TLR3: variants seen among roughly 807,000 people sequenced by gnomAD.
The protein encoded by TLR3 is toll-like receptor 3.
In TLR3, 43 loss-of-function variants were observed where a neutral mutation model predicts 66.4. The observed-to-expected ratio is 0.65, with a 90% CI of 0.51 to 0.83. The LOEUF (loss-of-function observed/expected upper bound fraction) is 0.83, where lower values mean the gene tolerates loss of function less well. Ranked by LOEUF, TLR3 falls within the 40% of genes least tolerant of loss-of-function variation. The pLI, the probability that TLR3 is intolerant of heterozygous loss-of-function variation, is 0.00. For synonymous variants in TLR3, 397 were observed against 397.2 expected (o/e 1.00, Z 0.01); for missense variants, 982 against 1,044.6 (o/e 0.94, Z 0.83).
chr4:186,073,921 A>T (rs1322381232), intron 1 of TLR3, among the ~76,000 whole-genome samples: 1 of 152,248 alleles, frequency 6.6e-6, no homozygotes, highest in African/African-American at 2.4e-5. Context: ...ATATTTGAAC[A>T]TATAAGGGAA....
At position 186,083,931 on chromosome 4, in the gene TLR3, A is replaced by G. The variant is rs2099303952; in HGVS notation, c.2245A>G (p.Arg749Gly). The part of the protein sequence containing the change: ...HRVLGFKEID[R>G]QTEQFEYAAY... ...AGTTCTTGGTTTCAAAGAAATAGAC[A>G]GACAGACAGAACAGTTTGAATATGC... The change falls in exon 4 of 5, where the codon AGA becomes GGA. Residue 749 changes from arginine to glycine, a missense_variant. Arg to Gly is a moderately radical substitution (Grantham distance 125, BLOSUM62 -2). Transcript: ENST00000296795. This position sits in a 1 kb window ranked among gnomAD's most constrained non-coding sequence, Gnocchi z 4.0. 3 of 1,614,096 alleles carry G rather than the reference A, an allele frequency of 1.9e-6. No individual in the cohort carries two copies. The African/African-American group carries it at 4.0e-5, about 22-fold the overall frequency.
intron 2 of TLR3, among the ~76,000 whole-genome samples, chr4:186,078,259 G>T (rs2099302781): frequency 6.6e-6 from 1 of 152,178 alleles, no homozygotes; most frequent in South Asian, 2.1e-4. Context: ...ATAGCAAAGG[G>T]TGATAAAAAC....
Position 186,083,644 on chromosome 4 carries a change from G to A in TLR3, c.1958G>A (p.Ser653Asn). The change falls in exon 4 of 5, where the codon AGT (serine) becomes AAT (asparagine). Residue 653 changes from serine (S) to asparagine (N), a missense_variant. Physicochemically the swap from Ser to Asn is conservative, Grantham distance 46. This residue lies in a region of TLR3 where 666 missense variants were observed against 709.0 expected (regional missense o/e 0.94). Transcript: ENST00000296795. This position sits in a 1 kb window ranked among gnomAD's most constrained non-coding sequence, Gnocchi z 4.0. ...AATCCCTTTGATTGCACGTGTGAAA[G>A]TATTGCCTGGTTTGTTAATTGGATT... The part of the protein sequence containing the change: ...RFNPFDCTCE[S>N]IAWFVNWINE... 6.3e-7 allele frequency: 1 copy of A among 1,598,138 alleles called. No homozygotes were observed.
At position 186,083,743 on chromosome 4, in the gene TLR3, T is replaced by C; in HGVS notation, c.2057T>C (p.Phe686Ser). 1 of 1,613,610 alleles carries C rather than the reference T, an allele frequency of 6.2e-7. No homozygotes were observed. Among genetic ancestry groups the C allele is most frequent in the Non-Finnish European group, 8.5e-7 (1 of 1,179,828 alleles). Residue 686 changes from phenylalanine to serine, a missense_variant, in exon 4 of 5, where the codon TTC becomes TCC. Coordinates refer to ENST00000296795, the MANE Select transcript of TLR3 (RefSeq NM_003265.3). The surrounding 1 kb of genome is among the most constrained non-coding windows in gnomAD (Gnocchi z 4.0). ...LCNTPPHYHGFPVRLFDTSSC... is the reference protein window; with the variant it reads ...LCNTPPHYHGSPVRLFDTSSC... The stretch of plus-strand genomic sequence containing the variant: ...AACACTCCACCTCACTATCATGGGT[T>C]CCCAGTGAGACTTTTTGATACATCA...
intron 1 of TLR3, among the ~76,000 whole-genome samples, chr4:186,076,245 A>C (rs2099302433): frequency 6.6e-6 from 1 of 152,254 alleles, no homozygotes; most frequent in Non-Finnish European, 1.5e-5. Context: ...ATATAATTAA[A>C]TTCCTTATCT....
chr4:186,069,790 T>A (rs2099301125), intron 1 of TLR3, among the ~76,000 whole-genome samples: 2 of 152,020 alleles, frequency 1.3e-5, no homozygotes, highest in African/African-American at 2.4e-5. Flanking sequence ...AGTGGAGAAG[T>A]GGAAAGTTGT....
At chr4:186,080,969 A>G (rs78533215) in intron 3 of TLR3, among the ~76,000 whole-genome samples, 5,117 of 152,288 alleles carry the variant, frequency 0.034, 173 homozygotes, top group Middle Eastern at 0.12. Flanking sequence ...GTATAGAAGA[A>G]AGGGTGCTTT....
chr4:186,076,595 A>G lies in TLR3; in HGVS notation c.-7-18A>G. ...GCTATTAATGTTGCTCATACTTTTT[A>G]ATGTTTCTTTTCTACAGCAGAATCA... On this transcript the variant is annotated intron_variant, in intron 1 of 4. Coordinates refer to ENST00000296795, the MANE Select transcript of TLR3 (RefSeq NM_003265.3). 6.2e-7 allele frequency: 1 copy of G among 1,611,416 alleles called. No individual in the cohort carries two copies. Among genetic ancestry groups the G allele is most frequent in the Non-Finnish European group, 8.5e-7 (1 of 1,177,624 alleles).
chr4:186,077,159 G>T (rs2099302581), intron 2 of TLR3, 99 bp downstream of exon 2: 1 of 1,291,816 alleles, frequency 7.7e-7, no homozygotes, highest in South Asian at 1.4e-5. Flanking sequence ...GAAGAAATTT[G>T]ATCTAATCCA....
In TLR3 at chr4:186,082,328, AG is replaced by A; in HGVS notation, c.645del (p.Cys216ValfsTer13). On this transcript the variant is annotated frameshift_variant, in exon 4 of 5. Coordinates refer to ENST00000296795, the MANE Select transcript of TLR3 (RefSeq NM_003265.3). LOFTEE classifies it high-confidence loss of function. ...TTTTTTCCTACCTTTAGTTTTCTCC[AG>A]GGTGTTTTCACGCAATTGGAAGATT... ...SSNQIKEFSP[G>X]CFHAIGRLFG... 1 of 1,562,064 alleles carries A rather than the reference AG, an allele frequency of 6.4e-7. No homozygotes were observed. Among genetic ancestry groups the A allele is most frequent in the Non-Finnish European group, 8.7e-7 (1 of 1,149,690 alleles).
intron 1 of TLR3, among the ~76,000 whole-genome samples, chr4:186,071,820 C>T (rs1398180993): frequency 6.6e-6 from 1 of 152,132 alleles, no homozygotes; most frequent in Non-Finnish European, 1.5e-5. Flanking sequence ...GATTTTATTA[C>T]CTGACACTTA....
intron 2 of TLR3, among the ~76,000 whole-genome samples, chr4:186,078,508 G>C (rs1316746522): frequency 2.6e-5 from 4 of 152,036 alleles, no homozygotes; most frequent in Admixed American, 2.0e-4. Flanking sequence ...ATAAGTAAAA[G>C]GTTATGATAA....
chr4:186,076,862 T>C lies in TLR3; in HGVS notation c.243T>C (p.Asp81=), dbSNP rs753810019. The change falls in exon 2 of 5, where the codon GAT becomes GAC. Residue 81 remains aspartate, a synonymous_variant. Transcript: ENST00000296795. ...FTRYSQLTSL[D]VGFNTISKLE... The stretch of plus-strand genomic sequence containing the variant: ...GGTATAGCCAGCTAACTAGCTTGGA[T>C]GTAGGATTTAACACCATCTCAAAAC... The C allele has an allele frequency of 4.8e-5, 78 of 1,614,052 alleles. No homozygotes were observed. The Middle Eastern group carries it at 1.3e-3, about 27-fold the overall frequency.
intron 3 of TLR3, among the ~76,000 whole-genome samples, chr4:186,080,533 A>G (rs2099303243): frequency 6.6e-6 from 1 of 151,912 alleles, no homozygotes; most frequent in Admixed American, 6.6e-5. Flanking sequence ...GTGCTGTGAT[A>G]AATTTTTAAA....
At position 186,083,786 on chromosome 4, in the gene TLR3, C is replaced by G. The variant is rs1413370034; in HGVS notation, c.2100C>G (p.Ala700=). 1 of 1,613,960 alleles carries G rather than the reference C, an allele frequency of 6.2e-7. No homozygotes were observed. The highest frequency in any genetic ancestry group is 1.3e-5 in the African/African-American group (1 of 75,022). ...LFDTSSCKDS[A]PFELFFMINT... ...ATACATCATCTTGCAAAGACAGTGC[C>G]CCCTTTGAACTCTTTTTCATGATCA... The change falls in exon 4 of 5, where the codon GCC becomes GCG. Residue 700 remains alanine (A), a synonymous_variant. Transcript: ENST00000296795. This position sits in a 1 kb window ranked among gnomAD's most constrained non-coding sequence, Gnocchi z 4.0.
chr4:186,075,477 T>TA (rs1446283118), intron 1 of TLR3, among the ~76,000 whole-genome samples: 1 of 151,752 alleles, frequency 6.6e-6, no homozygotes, highest in Non-Finnish European at 1.5e-5. Flanking sequence ...TAAAAAATAA[T>TA]AAAAAATTAG....
chr4:186,069,486 T>C (rs1195750750), intron 1 of TLR3, among the ~76,000 whole-genome samples: 7 of 152,336 alleles, frequency 4.6e-5, no homozygotes, highest in African/African-American at 1.4e-4. Context: ...AATGTGATAA[T>C]GTATTTATGC....
rs746197952 is a variant in TLR3, at chr4:186,084,930, T to C, written c.*57T>C. 6.9e-7 allele frequency: 1 copy of C among 1,443,996 alleles called. No homozygotes were observed. The highest frequency in any genetic ancestry group is 9.6e-7 in the Non-Finnish European group (1 of 1,042,996). 89.4% of individuals were successfully genotyped at this position (1,443,996 alleles called of 1,614,324 possible). On this transcript the variant is annotated 3_prime_UTR_variant, in exon 5 of 5. Coordinates refer to ENST00000296795, the MANE Select transcript of TLR3 (RefSeq NM_003265.3). ...AACTTTCTCAATTTAAAAAGTTCTA[T>C]GGCAAATTTAAGTTTTCCATAAAGG...
At chr4:186,078,629 C>A (rs1175053146) in intron 2 of TLR3, among the ~76,000 whole-genome samples, 1 of 152,078 alleles carries the variant, frequency 6.6e-6, no homozygotes, top group African/African-American at 2.4e-5. Context: ...ATCCTTCCTA[C>A]AATGGTTGCA....
Sources: allele counts gnomAD v4.1 joint callset (sites outside exome capture counted in the v4.1 genomes callset), GRCh38; gene constraint gnomAD v4.1.1; regional missense constraint gnomAD v4.1.1; non-coding constraint Gnocchi (gnomAD v3.1); transcripts MANE v1.5; gene names NCBI Gene and HGNC (gene_info 2026-07-23, HGNC 2026-07-21).